CTNNA2: variants seen among roughly 807,000 people sequenced by gnomAD.
CTNNA2 encodes the protein catenin alpha-2.
In CTNNA2, 42 loss-of-function variants were observed where a neutral mutation model predicts 101.0. That is an observed-to-expected ratio of 0.42 (90% confidence interval 0.32 to 0.54). CTNNA2 has a LOEUF of 0.54. CTNNA2 is among the 20% of genes least tolerant of loss of function. CTNNA2 has a pLI of 0.14. For synonymous variants in CTNNA2, 450 were observed against 456.4 expected, an observed-to-expected ratio of 0.99 and a Z score of 0.18; for missense variants, 871 against 1,223.1, an observed-to-expected ratio of 0.71 and a Z score of 4.29.
intron 2 of CTNNA2, among the ~76,000 whole-genome samples, chr2:79,741,121 A>G (rs994659410): frequency 6.6e-6 from 1 of 152,156 alleles, no homozygotes; most frequent in Non-Finnish European, 1.5e-5. Context: ...TTTGCATAGC[A>G]AGGGCTAGGC....
At chr2:80,176,636 T>A (rs1183744921) in intron 7 of CTNNA2, among the ~76,000 whole-genome samples, 1 of 152,184 alleles carries the variant, frequency 6.6e-6, no homozygotes, top group Non-Finnish European at 1.5e-5. Flanking sequence ...ATTGGGTTGT[T>A]ATAGTTTTCC....
At chr2:80,337,398 A>G (rs890227445) in intron 7 of CTNNA2, among the ~76,000 whole-genome samples, 2 of 151,972 alleles carry the variant, frequency 1.3e-5, no homozygotes, top group Non-Finnish European at 2.9e-5. Context: ...ACGGGATAAA[A>G]AAAAAAAGTC....
chr2:79,399,605 C>A (rs1274939987), intron 4 of CTNNA2, among the ~76,000 whole-genome samples: 1 of 152,018 alleles, frequency 6.6e-6, no homozygotes, highest in Non-Finnish European at 1.5e-5. Flanking sequence ...GAACAAACAG[C>A]AGTAACAACA....
chr2:79,744,312 T>G (rs1671491400), intron 2 of CTNNA2, 75 bp from the exon 3 acceptor site: 2 of 1,393,408 alleles, frequency 1.4e-6, no homozygotes, highest in Admixed American at 4.9e-5. Flanking sequence ...CACGGAGATT[T>G]AGAAATTATG....
intron 2 of CTNNA2, among the ~76,000 whole-genome samples, chr2:79,705,351 C>G (rs900988430): frequency 2.0e-5 from 3 of 152,146 alleles, no homozygotes. Context: ...ATTTTTATTA[C>G]AGTTTATTGT....
intron 7 of CTNNA2, among the ~76,000 whole-genome samples, chr2:80,037,576 G>C (rs996182376): frequency 3.9e-5 from 6 of 152,302 alleles, no homozygotes; most frequent in African/African-American, 1.4e-4. Context: ...GGTTTGTCTG[G>C]AGAATTGAGT....
intron 4 of CTNNA2, among the ~76,000 whole-genome samples, chr2:79,444,357 T>A (rs961963752): frequency 6.6e-6 from 1 of 152,114 alleles, no homozygotes; most frequent in Admixed American, 6.6e-5. Flanking sequence ...CAAACCTGGT[T>A]ACATAGCCAC....
At position 79,755,618 on chromosome 2, in the gene CTNNA2, A is replaced by G. The variant is rs148084521; in HGVS notation, c.298+11036A>G. Among the ~76,000 whole-genome samples the G allele has an allele frequency of 5.9e-3, 898 of 152,284 alleles. 7 individuals are homozygous for G. Among genetic ancestry groups the G allele is most frequent in the African/African-American group, 0.02 (841 of 41,564 alleles). ...GAGGAGTCCATGAAAATTCATCTTG[A>G]TAAGTCTAGCCATAACTCCAGATTC... On this transcript the variant is annotated intron_variant, in intron 3 of 18. Transcript: ENST00000402739.
intron 2 of CTNNA2, among the ~76,000 whole-genome samples, chr2:79,215,229 T>C (rs1038832075): frequency 1.3e-5 from 2 of 152,128 alleles, no homozygotes; most frequent in Non-Finnish European, 2.9e-5. Context: ...GGAGGAATCT[T>C]GGGCTGTGGG....
intron 4 of CTNNA2, among the ~76,000 whole-genome samples, chr2:79,457,723 A>C (rs1198527400): frequency 6.6e-6 from 1 of 152,214 alleles, no homozygotes; most frequent in Non-Finnish European, 1.5e-5. Flanking sequence ...CAGTAGGTTG[A>C]CTAAGTTTAA....
At chr2:79,502,916 A>G (rs1303351707) in intron 4 of CTNNA2, among the ~76,000 whole-genome samples, 1 of 152,164 alleles carries the variant, frequency 6.6e-6, no homozygotes, top group Non-Finnish European at 1.5e-5. Flanking sequence ...GGGCTCATGT[A>G]TAAAGTGGCC....
intron 14 of CTNNA2, among the ~76,000 whole-genome samples, chr2:80,584,974 A>G (rs1695850522): frequency 6.6e-6 from 1 of 151,902 alleles, no homozygotes; most frequent in Non-Finnish European, 1.5e-5. Flanking sequence ...GAGACTGGTA[A>G]GAATCAAAGG....
intron 2 of CTNNA2, among the ~76,000 whole-genome samples, chr2:79,280,870 A>G (rs1675359172): frequency 6.6e-6 from 1 of 152,020 alleles, no homozygotes; most frequent in Non-Finnish European, 1.5e-5. Context: ...TCCTTTGCCC[A>G]GGAAAAGGCC....
chr2:79,563,960 G>T (rs1030627366), intron 1 of CTNNA2, among the ~76,000 whole-genome samples: 4 of 152,106 alleles, frequency 2.6e-5, no homozygotes, highest in African/African-American at 9.7e-5. Context: ...CCTCATAATG[G>T]AGACCATCTC....
chr2:79,822,101 C>T (rs370799815), intron 3 of CTNNA2, among the ~76,000 whole-genome samples: 5 of 151,954 alleles, frequency 3.3e-5, no homozygotes, highest in South Asian at 2.1e-4. Context: ...GCCTAGCCTT[C>T]GGTAGCTTTA....
At chr2:79,744,310 T>G in intron 2 of CTNNA2, 77 bp from the exon 3 acceptor site, 1 of 1,379,808 alleles carries the variant, frequency 7.2e-7, no homozygotes, top group Non-Finnish European at 9.8e-7. Flanking sequence ...AACACGGAGA[T>G]TTAGAAATTA....
At chr2:79,838,759 A>G (rs1020141528) in intron 3 of CTNNA2, among the ~76,000 whole-genome samples, 20 of 152,096 alleles carry the variant, frequency 1.3e-4, no homozygotes, top group African/African-American at 3.6e-4. Flanking sequence ...CTGTGTAGTT[A>G]TTGAAAATAC....
At chr2:80,236,343 G>A (rs577491967) in intron 7 of CTNNA2, among the ~76,000 whole-genome samples, 29 of 152,246 alleles carry the variant, frequency 1.9e-4, no homozygotes, top group African/African-American at 6.3e-4. Flanking sequence ...GGGATTGCTC[G>A]TTCGGATGAT....
intron 7 of CTNNA2, among the ~76,000 whole-genome samples, chr2:80,293,490 T>C (rs1448706827): frequency 6.6e-6 from 1 of 152,256 alleles, no homozygotes; most frequent in Admixed American, 6.5e-5. Flanking sequence ...CTGGCTTTAC[T>C]TTAAGCCCCA....
Sources: allele counts gnomAD v4.1 joint callset (sites outside exome capture counted in the v4.1 genomes callset), GRCh38; gene constraint gnomAD v4.1.1; transcripts MANE v1.5; gene names NCBI Gene and HGNC (gene_info 2026-07-23, HGNC 2026-07-21).